Variants in MBD2 observed in about 807,000 individuals in gnomAD.
MBD2 encodes the protein methyl-CpG-binding domain protein 2.
In MBD2, 9 loss-of-function variants were observed where a neutral mutation model predicts 39.3. That is an observed-to-expected ratio of 0.23 (90% CI 0.14 to 0.40). The LOEUF is 0.40. Ranked by LOEUF, MBD2 falls within the 10% of genes least tolerant of loss-of-function variation. The pLI, the probability that MBD2 is intolerant of heterozygous loss-of-function variation, is 1.00. For missense variants in MBD2, 458 were observed against 532.6 expected, an observed-to-expected ratio of 0.86 and a Z score of 1.38; for synonymous variants, 233 against 211.1, an observed-to-expected ratio of 1.10 and a Z score of -0.90.
chr18:54,185,009 T>G (rs545606584), intron 3 of MBD2, among the ~76,000 whole-genome samples: 2 of 152,302 alleles, frequency 1.3e-5, no homozygotes, highest in East Asian at 3.9e-4. Context: ...GAAATAACTG[T>G]TAGAGATTAG....
At chr18:54,172,708 A>C (rs918359415) in intron 3 of MBD2, among the ~76,000 whole-genome samples, 1 of 152,218 alleles carries the variant, frequency 6.6e-6, no homozygotes, top group African/African-American at 2.4e-5. Context: ...TTGACAGTCA[A>C]CCCTGAGGAC....
At chr18:54,219,824 T>A (rs1483109997) in intron 1 of MBD2, among the ~76,000 whole-genome samples, 1 of 152,196 alleles carries the variant, frequency 6.6e-6, no homozygotes, top group Non-Finnish European at 1.5e-5. Flanking sequence ...TATTTGAGAC[T>A]GTGTCTCGCT....
At chr18:54,202,068 C>T (rs181976180) in intron 2 of MBD2, among the ~76,000 whole-genome samples, 37 of 152,170 alleles carry the variant, frequency 2.4e-4, no homozygotes, top group Non-Finnish European at 4.1e-4. Context: ...ACATGTTGGG[C>T]GTGGTGTCTC....
chr18:54,160,397 T>C (rs74325427), intron 5 of MBD2, among the ~76,000 whole-genome samples: 61,166 of 151,414 alleles, frequency 0.4, 12,590 homozygotes, highest in East Asian at 0.56. Flanking sequence ...TCCTGGATTC[T>C]GAGGTCTGCA....
At chr18:54,166,390 C>T (rs1258978672) in intron 3 of MBD2, among the ~76,000 whole-genome samples, 1 of 152,162 alleles carries the variant, frequency 6.6e-6, no homozygotes, top group Admixed American at 6.5e-5. Flanking sequence ...ATAACCTATT[C>T]ACTTGTTACA....
intron 2 of MBD2, chr18:54,203,124 A>G (rs2086421843): frequency 6.2e-7 from 1 of 1,611,264 alleles, no homozygotes; most frequent in Non-Finnish European, 8.5e-7. Flanking sequence ...AAGTGCACAC[A>G]AACTGAAGAG....
intron 2 of MBD2, among the ~76,000 whole-genome samples, chr18:54,193,702 T>C (rs943072573): frequency 8.5e-5 from 13 of 152,118 alleles, no homozygotes; most frequent in African/African-American, 3.1e-4. Flanking sequence ...ATAGTGATAC[T>C]AGAGCTAAGC....
chr18:54,221,198 C>G (rs896720982), intron 1 of MBD2, among the ~76,000 whole-genome samples: 5 of 152,230 alleles, frequency 3.3e-5, no homozygotes, highest in African/African-American at 1.2e-4. Flanking sequence ...TGGCTCACAC[C>G]TGTAATCCCA....
chr18:54,213,834 G>A (rs1452087902), intron 1 of MBD2, among the ~76,000 whole-genome samples: 1 of 152,072 alleles, frequency 6.6e-6, no homozygotes, highest in African/African-American at 2.4e-5. Flanking sequence ...ATAATTACAA[G>A]TGTGTGTATG....
In MBD2 at chr18:54,153,718, G is replaced by C. The variant is rs1285285510; in HGVS notation, c.*1606C>G. 6.6e-6 allele frequency: 1 copy of C among 152,100 alleles called. No individual in the cohort carries two copies. Among genetic ancestry groups the C allele is most frequent in the Non-Finnish European group, 1.5e-5 (1 of 68,052 alleles). The allele number at this position is 152,100 out of a possible 1,614,324, so 9.4% of individuals were successfully genotyped here. On this transcript the variant is annotated 3_prime_UTR_variant, in exon 7 of 7. Coordinates refer to ENST00000256429, the MANE Select transcript of MBD2 (RefSeq NM_003927.5). ...ATGATCCTCACCCCCACCCCAGTTG[G>C]GACAGTCTGATGGGGCGGGCAGGCA... is the stretch of plus-strand genomic sequence containing the variant.
At chr18:54,194,782 A>C (rs999974098) in intron 2 of MBD2, among the ~76,000 whole-genome samples, 3 of 152,202 alleles carry the variant, frequency 2.0e-5, no homozygotes, top group African/African-American at 7.2e-5. Context: ...TTTGAGTTAT[A>C]TGATAGAATG....
chr18:54,183,021 G>T (rs975712658), intron 3 of MBD2, among the ~76,000 whole-genome samples: 16 of 152,204 alleles, frequency 1.1e-4, no homozygotes, highest in African/African-American at 3.9e-4. Context: ...CATTCAGGAG[G>T]TAGGATCGAT....
At chr18:54,209,878 C>CT (rs2086487447) in intron 1 of MBD2, among the ~76,000 whole-genome samples, 1 of 152,156 alleles carries the variant, frequency 6.6e-6, no homozygotes, top group Non-Finnish European at 1.5e-5. Context: ...GTTTAATCAC[C>CT]TGTCTACCCT....
chr18:54,224,317 GC>G lies in MBD2; in HGVS notation c.242del (p.Gly81AlafsTer84). On this transcript the variant is annotated frameshift_variant, in exon 1 of 7. Transcript: ENST00000256429. LOFTEE classifies it high-confidence loss of function. ...GGCCCCGTCCCCGTCCCCGGCCACG[GC>G]CCCGGCCCCGGCCACGGCCACAGAC... ...GGVCGRGRGR[G>X]RGRGRGRGRG... The G allele has an allele frequency of 1.0e-6, 1 of 979,714 alleles. No individual in the cohort carries two copies. The allele number at this position is 979,714 out of a possible 1,614,324, so 60.7% of individuals were successfully genotyped here.
chr18:54,224,573 C>G lies in MBD2; in HGVS notation c.-14G>C. 4 of 1,224,006 alleles carry G rather than the reference C, an allele frequency of 3.3e-6. No individual in the cohort carries two copies. Among genetic ancestry groups the G allele is most frequent in the Non-Finnish European group, 3.1e-6 (3 of 981,760 alleles). 75.8% of individuals were successfully genotyped at this position (1,224,006 alleles called of 1,614,324 possible). On this transcript the variant is annotated 5_prime_UTR_variant, in exon 1 of 7. Coordinates refer to ENST00000256429, the MANE Select transcript of MBD2 (RefSeq NM_003927.5). ...GTGCGCGCGCATCCAGCCCCCTCCC[C>G]AGCCGGCGCTGCGCTTCTTCCGTAA...
Position 54,188,226 on chromosome 18 carries a change from G to A in MBD2, c.840+648C>T, listed in dbSNP as rs2086297390. 1.3e-5 allele frequency among the ~76,000 whole-genome samples: 2 copies of A among 152,182 alleles called. 1 individual carries two copies. The highest frequency in any genetic ancestry group is 4.1e-4 in the South Asian group (2 of 4,836). On this transcript the variant is annotated intron_variant, in intron 3 of 6. Transcript: ENST00000256429. ...AGTGAATAAGTAAGGTTACGTGGAA[G>A]GTTTCAGCATTTTGTCCAGTCTCCC...
intron 1 of MBD2, chr18:54,222,508 G>T (rs1227049481): frequency 2.9e-6 from 1 of 341,496 alleles, no homozygotes; most frequent in Admixed American, 3.6e-5. Flanking sequence ...AAGAGATGGG[G>T]TTTCACTCTA....
At chr18:54,174,904 C>T (rs113015061) in intron 3 of MBD2, among the ~76,000 whole-genome samples, 8 of 152,160 alleles carry the variant, frequency 5.3e-5, no homozygotes, top group African/African-American at 1.9e-4. Context: ...GAGAAAGGCA[C>T]GGCTCCATTT....
intron 1 of MBD2, among the ~76,000 whole-genome samples, chr18:54,219,305 CA>C: frequency 6.6e-6 from 1 of 152,268 alleles, no homozygotes; most frequent in South Asian, 2.1e-4. Flanking sequence ...AATTTTATCC[CA>C]ACACACCACC....
Sources: gnomAD v4.1 joint callset for allele counts (sites outside exome capture counted in the v4.1 genomes callset) on GRCh38, gnomAD v4.1.1 for gene constraint, MANE v1.5 for transcripts, NCBI Gene and HGNC (gene_info 2026-07-23, HGNC 2026-07-21) for gene names.